Variants in ATP1B3 observed in about 807,000 individuals in gnomAD.
ATP1B3 encodes the protein sodium/potassium-transporting ATPase subunit beta-3.
In ATP1B3, 10 loss-of-function variants were observed where a neutral mutation model predicts 30.2. The observed-to-expected ratio is 0.33, with a 90% CI of 0.20 to 0.56. ATP1B3 has a LOEUF of 0.56. Among genes scored for constraint, ATP1B3 ranks in the 20% least tolerant of loss-of-function variants. The pLI, the probability that ATP1B3 is intolerant of heterozygous loss-of-function variation, is 0.90. For missense variants in ATP1B3, 238 were observed against 336.7 expected (o/e 0.71, Z 2.29); for synonymous variants, 113 against 117.0 (o/e 0.97, Z 0.22).
chr3:141,900,050 TG>T (rs958516735), intron 1 of ATP1B3, among the ~76,000 whole-genome samples: 5 of 152,028 alleles, frequency 3.3e-5, no homozygotes, highest in Admixed American at 3.3e-4. Context: ...ATTTTTTTTT[TG>T]TTTGATGTTT....
rs373182915 is a variant in ATP1B3 at position 141,877,350 on chromosome 3, C to T, written c.109+440C>T. Among the ~76,000 whole-genome samples the T allele has an allele frequency of 8.5e-4, 130 of 152,278 alleles. 1 individual carries two copies. The highest frequency in any genetic ancestry group is 3.0e-3 in the African/African-American group (123 of 41,578). ...CGGCCCGCTGAGCGGTTCGGAGAAGCCAGACCCTGCCCCACTCCAGGGGAG... is the reference window on the plus strand; with the variant it reads ...CGGCCCGCTGAGCGGTTCGGAGAAGTCAGACCCTGCCCCACTCCAGGGGAG... On this transcript the variant is annotated intron_variant, in intron 1 of 6. Coordinates refer to ENST00000286371, the MANE Select transcript of ATP1B3 (RefSeq NM_001679.4).
chr3:141,909,042 T>C (rs147612202), intron 3 of ATP1B3, among the ~76,000 whole-genome samples: 1 of 152,330 alleles, frequency 6.6e-6, no homozygotes, highest in Non-Finnish European at 1.5e-5. Context: ...TTAGCCTTTC[T>C]GTCTGTATTG....
intron 6 of ATP1B3, 80 bp downstream of exon 6, chr3:141,922,143 T>TCTACCTACCCC: frequency 2.5e-6 from 2 of 808,652 alleles, no homozygotes; most frequent in Non-Finnish European, 4.0e-6. Flanking sequence ...TTGTCTGGGG[T>TCTACCTACCCC]AGGTAGACGC....
intron 1 of ATP1B3, chr3:141,902,343 A>G: frequency 1.5e-6 from 1 of 686,070 alleles, no homozygotes; most frequent in Non-Finnish European, 2.2e-6. Flanking sequence ...GCAGTTGAGA[A>G]ATAAAAGTTA....
intron 5 of ATP1B3, among the ~76,000 whole-genome samples, chr3:141,920,155 G>A (rs1934541187): frequency 6.6e-6 from 1 of 152,092 alleles, no homozygotes; most frequent in Non-Finnish European, 1.5e-5. Flanking sequence ...CACACCTGAT[G>A]GTCTTGAGCC....
rs1933601749 is a variant in ATP1B3 at position 141,876,799 on chromosome 3, A to G, written c.-3A>G. 1 of 1,587,540 alleles carries G rather than the reference A, an allele frequency of 6.3e-7. No homozygotes were observed. Among genetic ancestry groups the G allele is most frequent in the Non-Finnish European group, 8.6e-7 (1 of 1,166,138 alleles). On this transcript the variant is annotated 5_prime_UTR_variant, in exon 1 of 7. Coordinates refer to ENST00000286371, the MANE Select transcript of ATP1B3 (RefSeq NM_001679.4). ...AGCTCCTCTCGCCGTCCGCGCGCAC[A>G]CCATGACGAAGAACGAGAAGAAGTC... is the stretch of plus-strand genomic sequence containing the variant.
At chr3:141,910,202 C>T (rs1169580234) in intron 3 of ATP1B3, among the ~76,000 whole-genome samples, 1 of 151,988 alleles carries the variant, frequency 6.6e-6, no homozygotes, top group Non-Finnish European at 1.5e-5. Flanking sequence ...GAACTCTTGG[C>T]CTCAAGTGAT....
chr3:141,892,667 A>AAG (rs1395068250), intron 1 of ATP1B3, among the ~76,000 whole-genome samples: 1 of 151,592 alleles, frequency 6.6e-6, no homozygotes, highest in Non-Finnish European at 1.5e-5. Context: ...AAAAAAAAAA[A>AAG]AAAAAAAAAC....
rs1364452335 is a variant in ATP1B3, at chr3:141,907,410, AGGAGCCAGGTCTTG to A, written c.346+138_346+151del. Reference sequence around the variant, plus strand: ...CGAAGCGGGCAGATCACCTGAGGTTAGGAGCCAGGTCTTGGACCTGGCCAACATGGTGAAACCCC... The same window carrying A: ...CGAAGCGGGCAGATCACCTGAGGTTAGACCTGGCCAACATGGTGAAACCCC... On this transcript the variant is annotated intron_variant, in intron 3 of 6. Transcript: ENST00000286371. 6.6e-5 allele frequency: 37 copies of A among 557,480 alleles called. 1 individual carries two copies. Among genetic ancestry groups the A allele is most frequent in the African/African-American group, 3.9e-5 (2 of 51,374 alleles). The allele number at this position is 557,480 out of a possible 1,614,324, so 34.5% of individuals were successfully genotyped here.
intron 1 of ATP1B3, among the ~76,000 whole-genome samples, chr3:141,900,176 G>A (rs1328008978): frequency 6.6e-6 from 1 of 152,068 alleles, no homozygotes; most frequent in Non-Finnish European, 1.5e-5. Context: ...TCAAGATGGA[G>A]CATGGTCCCC....
intron 3 of ATP1B3, among the ~76,000 whole-genome samples, chr3:141,912,220 A>G (rs3828400): frequency 0.42 from 63,761 of 151,950 alleles, 13,928 homozygotes; most frequent in East Asian, 0.65. Flanking sequence ...CCCCAAGGTA[A>G]AGACTTTACA....
chr3:141,917,491 C>G (rs972686262), intron 5 of ATP1B3, among the ~76,000 whole-genome samples: 1 of 151,808 alleles, frequency 6.6e-6, no homozygotes, highest in Non-Finnish European at 1.5e-5. Context: ...GTCAAGAGAT[C>G]GAGACCATCC....
At chr3:141,908,545 T>C (rs1934304142) in intron 3 of ATP1B3, among the ~76,000 whole-genome samples, 2 of 152,114 alleles carry the variant, frequency 1.3e-5, no homozygotes, top group African/African-American at 4.8e-5. Flanking sequence ...CCTGTGGGAG[T>C]ACCCCACTCC....
chr3:141,881,946 G>A (rs1384022818), intron 1 of ATP1B3, among the ~76,000 whole-genome samples: 2 of 152,136 alleles, frequency 1.3e-5, no homozygotes, highest in Non-Finnish European at 2.9e-5. Context: ...TGGTGGGAGG[G>A]AGAGAAAGGG....
rs56393829 is a variant in ATP1B3, at chr3:141,889,750, A to ATATATATAT, written c.109+12840_109+12841insTATATATAT. On this transcript the variant is annotated intron_variant, in intron 1 of 6. Transcript: ENST00000286371. The stretch of plus-strand genomic sequence containing the variant: ...TCTCAAAAAAAAAAAAAAAAAAAAA[A>ATATATATAT]ATATATACACACACACACACACACA... Among the ~76,000 whole-genome samples the ATATATATAT allele has an allele frequency of 6.2e-3, 491 of 79,070 alleles. 36 individuals are homozygous for ATATATATAT. Among genetic ancestry groups the ATATATATAT allele is most frequent in the African/African-American group, 0.022 (466 of 21,060 alleles). 51.9% of individuals were successfully genotyped at this position (79,070 alleles called of 152,430 possible).
chr3:141,879,778 C>CAAAAAAAAAAAAAAACA (rs199509329), intron 1 of ATP1B3, among the ~76,000 whole-genome samples: 2 of 57,636 alleles, frequency 3.5e-5, no homozygotes, highest in Non-Finnish European at 6.4e-5. Context: ...GTCTCCATCT[C>CAAAAAAAAAAAAAAACA]AAAAAAAAAA....
Position 141,876,908 on chromosome 3 carries a change from G to GGGGTGAGCGGGCAGC in ATP1B3, c.108_109+13dup. ...TTCCTGGGGCGCACCGCCAAGAGCT[G>GGGGTGAGCGGGCAGC]GGGTGAGCGGGCAGCAGCTGGGCGT... On this transcript the variant is annotated inframe_insertion and splice_region_variant, in exon 1 of 7. Coordinates refer to ENST00000286371, the MANE Select transcript of ATP1B3 (RefSeq NM_001679.4). The GGGGTGAGCGGGCAGC allele has an allele frequency of 6.4e-7, 1 of 1,566,280 alleles. No individual in the cohort carries two copies. The highest frequency in any genetic ancestry group is 8.6e-7 in the Non-Finnish European group (1 of 1,157,632).
At chr3:141,896,948 C>T (rs1934077479) in intron 1 of ATP1B3, among the ~76,000 whole-genome samples, 1 of 152,102 alleles carries the variant, frequency 6.6e-6, no homozygotes, top group Non-Finnish European at 1.5e-5. Flanking sequence ...TTACAACATT[C>T]AGGGATGGAG....
At chr3:141,892,812 T>C (rs1933982386) in intron 1 of ATP1B3, among the ~76,000 whole-genome samples, 1 of 152,124 alleles carries the variant, frequency 6.6e-6, no homozygotes, top group Non-Finnish European at 1.5e-5. Flanking sequence ...ATGATGGTAA[T>C]GTTCTATATC....
Sources: allele counts gnomAD v4.1 joint callset (sites outside exome capture counted in the v4.1 genomes callset), GRCh38; gene constraint gnomAD v4.1.1; transcripts MANE v1.5; gene names NCBI Gene and HGNC (gene_info 2026-07-23, HGNC 2026-07-21).